Variants in ZNF385D observed in about 807,000 individuals in gnomAD.
ZNF385D encodes zinc finger protein 659.
In ZNF385D, 15 loss-of-function variants were observed where a neutral mutation model predicts 35.8. The observed-to-expected ratio is 0.42, with a 90% CI of 0.28 to 0.64. The LOEUF is 0.64. ZNF385D is among the 30% of genes least tolerant of loss of function. The pLI, the probability that ZNF385D is intolerant of heterozygous loss-of-function variation, is 0.23. For missense variants in ZNF385D, 474 were observed against 494.6 expected, an observed-to-expected ratio of 0.96 and a Z score of 0.39; for synonymous variants, 212 against 186.8, an observed-to-expected ratio of 1.13 and a Z score of -1.10.
intron 2 of ZNF385D, chr3:22,372,376 C>T: frequency 5.4e-6 from 5 of 930,488 alleles, no homozygotes; most frequent in Non-Finnish European, 6.4e-6. Context: ...AGGGGCGCAA[C>T]CCTAGCTCCT....
chr3:21,802,051 C>A (rs574727396), intron 3 of ZNF385D, among the ~76,000 whole-genome samples: 1 of 152,240 alleles, frequency 6.6e-6, no homozygotes, highest in Admixed American at 6.5e-5. Context: ...GGGCAGATTT[C>A]TTAAACTACA....
At position 21,507,306 on chromosome 3, in the gene ZNF385D, T is replaced by A. The variant is rs191385109; in HGVS notation, c.439+3555A>T. Among the ~76,000 whole-genome samples the A allele has an allele frequency of 3.2e-3, 486 of 152,280 alleles. 1 individual carries two copies. The highest frequency in any genetic ancestry group is 5.4e-3 in the Non-Finnish European group (368 of 68,018). On this transcript the variant is annotated intron_variant, in intron 4 of 7. Transcript: ENST00000281523. ...CTCCAGGGGTTCTCATTTACCAAAG[T>A]ATGACATGTTTAACATTTTTCAAAG...
intron 3 of ZNF385D, chr3:21,543,069 T>A (rs768619826): frequency 6.6e-6 from 1 of 152,354 alleles, no homozygotes; most frequent in African/African-American, 2.4e-5. Flanking sequence ...TTCCAGCACT[T>A]TGGGAGGCCA....
chr3:22,077,525 C>T (rs1182369241), intron 3 of ZNF385D, among the ~76,000 whole-genome samples: 1 of 151,958 alleles, frequency 6.6e-6, no homozygotes, highest in Non-Finnish European at 1.5e-5. Context: ...AATTGGTCTT[C>T]TTTTGTCTTA....
At chr3:22,073,489 GCTTT>G (rs1396649536) in intron 3 of ZNF385D, among the ~76,000 whole-genome samples, 1 of 151,742 alleles carries the variant, frequency 6.6e-6, no homozygotes, top group East Asian at 1.9e-4. Flanking sequence ...TTTAATAATT[GCTTT>G]ATTTTTAAAA....
chr3:22,370,441 A>G (rs1696851057), intron 2 of ZNF385D, among the ~76,000 whole-genome samples: 1 of 152,220 alleles, frequency 6.6e-6, no homozygotes. Flanking sequence ...TATAAGTGCC[A>G]CACAATTTTT....
chr3:21,778,539 T>C (rs1009112220), intron 3 of ZNF385D, among the ~76,000 whole-genome samples: 15 of 151,936 alleles, frequency 9.9e-5, no homozygotes, highest in African/African-American at 3.4e-4. Context: ...AGAGAAACAA[T>C]TCTGATTCAG....
chr3:21,896,802 T>A (rs1042533384), intron 3 of ZNF385D, among the ~76,000 whole-genome samples: 4 of 149,038 alleles, frequency 2.7e-5, no homozygotes, highest in African/African-American at 9.9e-5. Flanking sequence ...TTTGTATTTC[T>A]CCAATGTGTT....
At chr3:22,064,945 A>G (rs73139318) in intron 3 of ZNF385D, among the ~76,000 whole-genome samples, 6,934 of 152,328 alleles carry the variant, frequency 0.046, 187 homozygotes, top group African/African-American at 0.064. Context: ...TATCAGTAGC[A>G]TGGTTGACTT....
intron 3 of ZNF385D, among the ~76,000 whole-genome samples, chr3:22,067,371 A>G (rs972660536): frequency 3.3e-5 from 5 of 152,204 alleles, no homozygotes; most frequent in African/African-American, 1.2e-4. Flanking sequence ...AATGCCTAAT[A>G]TCATTTTATA....
chr3:21,675,684 G>C (rs1338023398), intron 1 of ZNF385D, among the ~76,000 whole-genome samples: 1 of 152,016 alleles, frequency 6.6e-6, no homozygotes, highest in African/African-American at 2.4e-5. Flanking sequence ...TCATTTGTAA[G>C]GCAAAGGATT....
At chr3:22,153,674 G>C (rs951593213) in intron 3 of ZNF385D, among the ~76,000 whole-genome samples, 1 of 151,918 alleles carries the variant, frequency 6.6e-6, no homozygotes, top group African/African-American at 2.4e-5. Flanking sequence ...ATGTTGGTCA[G>C]GCTGGTCTTG....
At chr3:21,628,259 T>C (rs1291009686) in intron 2 of ZNF385D, among the ~76,000 whole-genome samples, 3 of 152,090 alleles carry the variant, frequency 2.0e-5, no homozygotes, top group Admixed American at 2.0e-4. Flanking sequence ...CATTGTCAGA[T>C]GGGATTCAGT....
chr3:22,073,170 G>A (rs1246115668), intron 3 of ZNF385D, among the ~76,000 whole-genome samples: 5 of 151,850 alleles, frequency 3.3e-5, no homozygotes, highest in African/African-American at 9.7e-5. Flanking sequence ...GCTAAGTTCT[G>A]GTCAAAATCT....
At chr3:21,555,907 A>G (rs1272418142) in intron 3 of ZNF385D, among the ~76,000 whole-genome samples, 1 of 151,930 alleles carries the variant, frequency 6.6e-6, no homozygotes, top group Non-Finnish European at 1.5e-5. Flanking sequence ...TTGCCATTCT[A>G]ACTGGTGTGA....
intron 1 of ZNF385D, among the ~76,000 whole-genome samples, chr3:21,730,857 T>A (rs949196843): frequency 6.6e-6 from 1 of 152,230 alleles, no homozygotes; most frequent in Non-Finnish European, 1.5e-5. Flanking sequence ...AATACAGATA[T>A]GCTTATTTTG....
intron 3 of ZNF385D, among the ~76,000 whole-genome samples, chr3:22,031,487 C>T (rs1216049591): frequency 6.6e-6 from 1 of 152,232 alleles, no homozygotes; most frequent in East Asian, 1.9e-4. Context: ...CCCTTTGAAG[C>T]CATGGCCTGA....
At chr3:22,070,706 T>A (rs564656778) in intron 3 of ZNF385D, among the ~76,000 whole-genome samples, 1 of 152,310 alleles carries the variant, frequency 6.6e-6, no homozygotes, top group African/African-American at 2.4e-5. Context: ...TCAAATTTTA[T>A]AATGTTGAAG....
chr3:22,160,424 T>C (rs1705870787), intron 3 of ZNF385D, among the ~76,000 whole-genome samples: 4 of 152,206 alleles, frequency 2.6e-5, no homozygotes, highest in Admixed American at 1.3e-4. Flanking sequence ...GATAAATATA[T>C]ACATAAAATC....
Sources: gnomAD v4.1 joint callset for allele counts (sites outside exome capture counted in the v4.1 genomes callset) on GRCh38, gnomAD v4.1.1 for gene constraint, MANE v1.5 for transcripts, NCBI Gene and HGNC (gene_info 2026-07-23, HGNC 2026-07-21) for gene names.